Variants in ARMH3 observed in about 807,000 individuals in gnomAD.
The protein encoded by ARMH3 is armadillo-like helical domain-containing protein 3.
A neutral mutation model predicts 99.1 loss-of-function variants in ARMH3; 60 were observed. The observed-to-expected ratio is 0.61, with a 90% CI of 0.49 to 0.75. The LOEUF is 0.75. Among genes scored for constraint, ARMH3 ranks in the 30% least tolerant of loss-of-function variants. The probability of loss-of-function intolerance (pLI) is 0.00; values close to 1 mark genes in which losing one functional copy is unlikely to be tolerated. For missense variants in ARMH3, 679 were observed against 843.1 expected (o/e 0.81, Z 2.41); for synonymous variants, 285 against 292.8 (o/e 0.97, Z 0.27).
At chr10:102,041,104 T>TATATATAATATATATATATATA (rs1438519391) in intron 1 of ARMH3, among the ~76,000 whole-genome samples, 2 of 146,602 alleles carry the variant, frequency 1.4e-5, no homozygotes, top group Admixed American at 6.9e-5. Flanking sequence ...TATATATATA[T>TATATATAATATATATATATATA]ATATATATGT....
chr10:101,913,395 T>C (rs1490124666), intron 23 of ARMH3: 1 of 139,672 alleles, frequency 7.2e-6, no homozygotes, highest in African/African-American at 2.7e-5. Flanking sequence ...AGACAGGGTC[T>C]CTCTCTATTG....
At chr10:101,907,785 G>A (rs531956576) in intron 23 of ARMH3, among the ~76,000 whole-genome samples, 10 of 152,246 alleles carry the variant, frequency 6.6e-5, no homozygotes, top group East Asian at 1.9e-4. Context: ...AGCAGTAACC[G>A]ATCTTGGAAA....
At chr10:101,884,232 C>G (rs61873593) in intron 24 of ARMH3, among the ~76,000 whole-genome samples, 1,704 of 152,258 alleles carry the variant, frequency 0.011, 17 homozygotes, top group Middle Eastern at 0.034. Context: ...CTCAAAGTTC[C>G]TAATGTCAGA....
chr10:101,869,346 T>C (rs1564704159), intron 24 of ARMH3, among the ~76,000 whole-genome samples: 1 of 152,152 alleles, frequency 6.6e-6, no homozygotes, highest in African/African-American at 2.4e-5. Context: ...TTCAACAAGA[T>C]GGACTGTACA....
At chr10:101,914,278 G>A (rs1842985974) in intron 23 of ARMH3, among the ~76,000 whole-genome samples, 1 of 151,478 alleles carries the variant, frequency 6.6e-6, no homozygotes, top group African/African-American at 2.4e-5. Flanking sequence ...CATGAGGTCA[G>A]GAGTTCAAGA....
In ARMH3 at chr10:102,035,502, T is replaced by G. The variant is rs535247800; in HGVS notation, c.103-2163A>C. Among the ~76,000 whole-genome samples the G allele has an allele frequency of 2.0e-3, 305 of 152,354 alleles. 4 individuals carry two copies. The highest frequency in any genetic ancestry group is 7.1e-3 in the African/African-American group (295 of 41,594). ...CCATCTCGGCTCACTGCAACCTCCC[T>G]GCCTGATTCTCCTGCCTCAGCCTGC... is the stretch of plus-strand genomic sequence containing the variant. On this transcript the variant is annotated intron_variant, in intron 2 of 25. Transcript: ENST00000370033.
chr10:101,960,127 G>A (rs1016046836), intron 20 of ARMH3, among the ~76,000 whole-genome samples: 2 of 151,958 alleles, frequency 1.3e-5, no homozygotes, highest in Non-Finnish European at 2.9e-5. Context: ...GCAGTGAGCC[G>A]AGATCGCACC....
intron 23 of ARMH3, among the ~76,000 whole-genome samples, chr10:101,918,989 G>A (rs1843198076): frequency 6.6e-6 from 1 of 152,088 alleles, no homozygotes; most frequent in Non-Finnish European, 1.5e-5. Context: ...TCTAAATCTA[G>A]GTCAGTTTAG....
chr10:102,011,539 CA>C (rs199524393), intron 11 of ARMH3, among the ~76,000 whole-genome samples, 183 bp downstream of exon 11: 19 of 144,894 alleles, frequency 1.3e-4, no homozygotes, highest in South Asian at 2.2e-4. Flanking sequence ...AGTGGGGATT[CA>C]AAAAAAAAAG....
chr10:101,898,186 A>T (rs971178475), intron 23 of ARMH3, among the ~76,000 whole-genome samples: 17 of 151,630 alleles, frequency 1.1e-4, no homozygotes, highest in Non-Finnish European at 1.6e-4. Context: ...CAAAAAAAAA[A>T]ATTTTTTTTT....
intron 22 of ARMH3, among the ~76,000 whole-genome samples, chr10:101,946,231 T>A (rs1384839691): frequency 6.6e-6 from 1 of 152,040 alleles, no homozygotes; most frequent in Non-Finnish European, 1.5e-5. Context: ...AAAATTATCA[T>A]GGACTTTAAA....
intron 1 of ARMH3, among the ~76,000 whole-genome samples, chr10:102,053,214 TAAAAAAAAAAAAAAAAA>T (rs1191838493): frequency 8.2e-5 from 4 of 49,008 alleles, no homozygotes; most frequent in Non-Finnish European, 1.6e-4. Context: ...CCTCAGAAGC[TAAAAAAAAAAAAAAAAA>T]AAAAAAAAGA....
At chr10:101,862,661 G>A (rs556409454) in intron 24 of ARMH3, among the ~76,000 whole-genome samples, 48 of 150,886 alleles carry the variant, frequency 3.2e-4, no homozygotes, top group African/African-American at 7.3e-4. Context: ...AAAAGAAAAC[G>A]AAAACGGATA....
rs1009945367 is a variant in ARMH3, at chr10:102,036,798, C to T, written c.102+3215G>A. ...TTTGTTCACTTGTTTATCTGCTGAC[C>T]TTCCCTCCACTATTGTCCTATGACC... On this transcript the variant is annotated intron_variant, in intron 2 of 25. Transcript: ENST00000370033. Among the ~76,000 whole-genome samples the T allele has an allele frequency of 2.6e-5, 4 of 151,440 alleles. No homozygotes were observed. The East Asian group carries it at 5.8e-4, about 22-fold the overall frequency.
At chr10:102,054,535 G>A (rs1318274210) in intron 1 of ARMH3, among the ~76,000 whole-genome samples, 1 of 152,090 alleles carries the variant, frequency 6.6e-6, no homozygotes, top group Non-Finnish European at 1.5e-5. Context: ...ACTGTGATCT[G>A]ATATCCTGAA....
chr10:101,885,483 T>C (rs933618749), intron 24 of ARMH3, among the ~76,000 whole-genome samples: 3 of 152,198 alleles, frequency 2.0e-5, no homozygotes, highest in African/African-American at 7.2e-5. Flanking sequence ...TGGTACAATA[T>C]GGATGAATCT....
In ARMH3 at chr10:101,985,112, C is replaced by CA. The variant is rs1554883043; in HGVS notation, c.1406+5438_1406+5439insT. Among the ~76,000 whole-genome samples, 5 of 145,434 alleles carry CA rather than the reference C, an allele frequency of 3.4e-5. No individual in the cohort carries two copies. In the East Asian group the frequency reaches 8.0e-4, roughly 23 times the overall value. On this transcript the variant is annotated intron_variant, in intron 19 of 25. Coordinates refer to ENST00000370033, the MANE Select transcript of ARMH3 (RefSeq NM_024541.3). The stretch of plus-strand genomic sequence containing the variant: ...ACACACACACACACACACACACACA[C>CA]GTGTACATATATATACACACATGTG...
At chr10:102,042,820 C>G (rs1400946791) in intron 1 of ARMH3, among the ~76,000 whole-genome samples, 1 of 152,238 alleles carries the variant, frequency 6.6e-6, no homozygotes, top group Non-Finnish European at 1.5e-5. Flanking sequence ...CGCCTGTAAT[C>G]GCAGCACTTT....
Position 101,975,251 on chromosome 10 carries a change from GAC to G in ARMH3, c.1454_1455del (p.Cys485SerfsTer26). 1 of 1,612,332 alleles carries G rather than the reference GAC, an allele frequency of 6.2e-7. No individual in the cohort carries two copies. Among genetic ancestry groups the G allele is most frequent in the Non-Finnish European group, 8.5e-7 (1 of 1,178,960 alleles). The part of the protein sequence containing the change: ...VHKLLCYQKK[C>X]RVRLHYTWRE... ...CGCCAGGTGTAATGCAGGCGTACCC[GAC>G]ACTTCTTCTGGTAGCAGAGCAGTTT... On this transcript the variant is annotated frameshift_variant, in exon 20 of 26. Coordinates refer to ENST00000370033, the MANE Select transcript of ARMH3 (RefSeq NM_024541.3). LOFTEE classifies it high-confidence loss of function.
Sources: allele counts gnomAD v4.1 joint callset (sites outside exome capture counted in the v4.1 genomes callset), GRCh38; gene constraint gnomAD v4.1.1; transcripts MANE v1.5; gene names NCBI Gene and HGNC (gene_info 2026-07-23, HGNC 2026-07-21).